The following PIP4K2A variants were observed in gnomAD, a reference collection of about 807,000 sequenced individuals.
PIP4K2A encodes the protein phosphatidylinositol-5-phosphate 4-kinase type 2 alpha, also known as phosphatidylinositol 5-phosphate 4-kinase type-2 alpha.
In PIP4K2A, 14 loss-of-function variants were observed where a neutral mutation model predicts 42.9. That is an observed-to-expected ratio of 0.33 (90% CI 0.22 to 0.51). The LOEUF (loss-of-function observed/expected upper bound fraction) is 0.51. Ranked by LOEUF, PIP4K2A falls within the 20% of genes least tolerant of loss-of-function variation. The pLI is 0.97. For missense variants in PIP4K2A, 434 were observed against 519.8 expected, an observed-to-expected ratio of 0.83 and a Z score of 1.61; for synonymous variants, 192 against 192.2, an observed-to-expected ratio of 1.00 and a Z score of 0.01.
chr10:22,592,763 C>T (rs1837542613), intron 3 of PIP4K2A, among the ~76,000 whole-genome samples: 1 of 152,206 alleles, frequency 6.6e-6, no homozygotes, highest in Non-Finnish European at 1.5e-5. Flanking sequence ...TCTAGCAAAC[C>T]CCTGGCCCCC....
rs1835881149 is a variant in PIP4K2A, at chr10:22,534,863, AC to A, written c.*2337del. ...CTAGAAACTAAAAAGATTCAATTCC[AC>A]TTTCATTTCTTCAAGGATTAGCTAA... On this transcript the variant is annotated 3_prime_UTR_variant, in exon 10 of 10. Coordinates refer to ENST00000376573, the MANE Select transcript of PIP4K2A (RefSeq NM_005028.5). The A allele has an allele frequency of 2.6e-5, 4 of 152,176 alleles. No individual in the cohort carries two copies. The highest frequency in any genetic ancestry group is 9.7e-5 in the African/African-American group (4 of 41,436). The allele number at this position is 152,176 out of a possible 1,614,324, so 9.4% of individuals were successfully genotyped here.
At chr10:22,624,957 TTTG>T (rs1838405865) in intron 1 of PIP4K2A, among the ~76,000 whole-genome samples, 1 of 152,248 alleles carries the variant, frequency 6.6e-6, no homozygotes, top group African/African-American at 2.4e-5. Flanking sequence ...TTCAAACCCA[TTTG>T]TTAATGGTTT....
intron 1 of PIP4K2A, among the ~76,000 whole-genome samples, chr10:22,620,410 A>G (rs1437983181): frequency 6.6e-6 from 1 of 152,246 alleles, no homozygotes; most frequent in Admixed American, 6.5e-5. Flanking sequence ...AGGCTCAGGG[A>G]GTCAGGAGAC....
intron 3 of PIP4K2A, among the ~76,000 whole-genome samples, chr10:22,601,788 C>G (rs16922490): frequency 0.016 from 2,483 of 152,194 alleles, 68 homozygotes; most frequent in African/African-American, 0.057. Context: ...GGTATCCTAC[C>G]ACTACGGTAA....
At chr10:22,547,743 G>A (rs1404216087) in intron 7 of PIP4K2A, among the ~76,000 whole-genome samples, 2 of 152,196 alleles carry the variant, frequency 1.3e-5, no homozygotes, top group African/African-American at 4.8e-5. Context: ...GCCGTGATCA[G>A]AATTGACAAA....
chr10:22,553,725 T>C (rs1399776531), intron 6 of PIP4K2A, among the ~76,000 whole-genome samples: 1 of 150,330 alleles, frequency 6.7e-6, no homozygotes, highest in African/African-American at 2.4e-5. Context: ...CCCATCGTCA[T>C]CATCATCACT....
chr10:22,622,799 G>A (rs1838359719), intron 1 of PIP4K2A, among the ~76,000 whole-genome samples: 1 of 152,118 alleles, frequency 6.6e-6, no homozygotes, highest in South Asian at 2.1e-4. Flanking sequence ...TTTTCTCAAT[G>A]CTATTTAACA....
intron 1 of PIP4K2A, chr10:22,659,584 C>T (rs889348189): frequency 6.6e-6 from 1 of 152,168 alleles, no homozygotes; most frequent in Non-Finnish European, 1.5e-5. Flanking sequence ...ATTAATGCTC[C>T]GTAGAGCAGA....
intron 1 of PIP4K2A, among the ~76,000 whole-genome samples, chr10:22,651,548 G>C (rs938829984): frequency 2.0e-5 from 3 of 152,190 alleles, no homozygotes; most frequent in African/African-American, 7.2e-5. Flanking sequence ...CAGCTTAGAT[G>C]CATCTTCCTC....
At chr10:22,605,975 AAAGTT>A (rs1837897998) in intron 3 of PIP4K2A, among the ~76,000 whole-genome samples, 1 of 152,218 alleles carries the variant, frequency 6.6e-6, no homozygotes, top group African/African-American at 2.4e-5. Context: ...ATTTTCTGTT[AAAGTT>A]AATTATTTTT....
At chr10:22,555,060 G>C (rs1331353430) in intron 6 of PIP4K2A, among the ~76,000 whole-genome samples, 1 of 152,236 alleles carries the variant, frequency 6.6e-6, no homozygotes, top group Non-Finnish European at 1.5e-5. Context: ...TCAGCAGAGG[G>C]ACGCCGTTCC....
intron 1 of PIP4K2A, chr10:22,646,253 T>A (rs781782298): frequency 2.0e-5 from 3 of 152,184 alleles, no homozygotes; most frequent in Non-Finnish European, 4.4e-5. Context: ...GATGAAGACA[T>A]TGCTTGTCCC....
At chr10:22,587,108 A>T (rs1837413047) in intron 4 of PIP4K2A, among the ~76,000 whole-genome samples, 1 of 152,172 alleles carries the variant, frequency 6.6e-6, no homozygotes, top group African/African-American at 2.4e-5. Flanking sequence ...ACCTAGGAAG[A>T]ATTTATTCAA....
chr10:22,583,249 G>A (rs1837318459), intron 4 of PIP4K2A, among the ~76,000 whole-genome samples: 1 of 152,194 alleles, frequency 6.6e-6, no homozygotes, highest in Non-Finnish European at 1.5e-5. Flanking sequence ...ACGTATGACC[G>A]CTGGCAGGGA....
intron 1 of PIP4K2A, among the ~76,000 whole-genome samples, chr10:22,671,733 T>G (rs1217286641): frequency 7.4e-6 from 1 of 135,324 alleles, no homozygotes; most frequent in Non-Finnish European, 1.6e-5. Context: ...ATTTTCTGAT[T>G]TACTTGGAAA....
Position 22,550,537 on chromosome 10 carries a change from A to T in PIP4K2A, c.792+122T>A, listed in dbSNP as rs1836381120. ...GACACCTTCATGTCTGACTTCCCTA[A>T]GGTAGAGTATGCAGGTTTTTGCCTT... is the stretch of plus-strand genomic sequence containing the variant. On this transcript the variant is annotated intron_variant, in intron 7 of 9. Transcript: ENST00000376573. The T allele has an allele frequency of 1.1e-5, 8 of 708,488 alleles. No homozygotes were observed. The South Asian group carries it at 1.2e-4, about 11-fold the overall frequency. 43.9% of individuals were successfully genotyped at this position (708,488 alleles called of 1,614,324 possible). A position where few individuals can be genotyped will look rare whatever the true frequency, so the allele number is the denominator to read the frequency against.
rs1444481719 is a variant in PIP4K2A, at chr10:22,627,587, GTAA to G, written c.145-17873_145-17871del. On this transcript the variant is annotated intron_variant, in intron 1 of 9. Transcript: ENST00000376573. ...CATTTGTTTAACCAAAAGCTAATAT[GTAA>G]TAAAAAAAAAAAAAAAAAAAAAAAA... Among the ~76,000 whole-genome samples the G allele has an allele frequency of 2.9e-3, 83 of 28,900 alleles. 3 individuals carry two copies. Among genetic ancestry groups the G allele is most frequent in the Non-Finnish European group, 3.6e-3 (63 of 17,360 alleles). The allele number at this position is 28,900 out of a possible 152,430, so 19.0% of individuals were successfully genotyped here.
At chr10:22,587,082 T>C (rs115208695) in intron 4 of PIP4K2A, among the ~76,000 whole-genome samples, 1,818 of 152,272 alleles carry the variant, frequency 0.012, 47 homozygotes, top group African/African-American at 0.042. Context: ...GGAAGGTCAG[T>C]GTGTCAGAAA....
intron 5 of PIP4K2A, among the ~76,000 whole-genome samples, chr10:22,569,938 C>A (rs1836945002): frequency 6.6e-6 from 1 of 152,056 alleles, no homozygotes; most frequent in African/African-American, 2.4e-5. Flanking sequence ...TTATCTATGC[C>A]ACAAGCCAGA....
Sources: gnomAD v4.1 joint callset for allele counts (sites outside exome capture counted in the v4.1 genomes callset) on GRCh38, gnomAD v4.1.1 for gene constraint, MANE v1.5 for transcripts, NCBI Gene and HGNC (gene_info 2026-07-23, HGNC 2026-07-21) for gene names.